PRKN: variants seen among roughly 807,000 people sequenced by gnomAD.
PRKN encodes parkin RBR E3 ubiquitin protein ligase, also known as E3 ubiquitin-protein ligase parkin.
Under a neutral mutation model 59.5 loss-of-function variants are expected in PRKN, and 56 were observed. The observed-to-expected ratio is 0.94, with a 90% CI of 0.76 to 1.18. The LOEUF (loss-of-function observed/expected upper bound fraction) is 1.18, where lower values mean the gene tolerates loss of function less well. Among genes scored for constraint, PRKN ranks in the 50% most tolerant of loss-of-function variants. The pLI, the probability that PRKN is intolerant of heterozygous loss-of-function variation, is 0.00. For synonymous variants in PRKN, 250 were observed against 222.1 expected, an observed-to-expected ratio of 1.13 and a Z score of -1.12; for missense variants, 657 against 596.4, an observed-to-expected ratio of 1.10 and a Z score of -1.06.
At chr6:162,329,658 G>A (rs539432098) in intron 2 of PRKN, among the ~76,000 whole-genome samples, 29 of 151,950 alleles carry the variant, frequency 1.9e-4, no homozygotes, top group African/African-American at 6.5e-4. Context: ...ACTTTTGCTC[G>A]AAGCCCTACT....
intron 7 of PRKN, among the ~76,000 whole-genome samples, chr6:161,571,356 A>C (rs73782941): frequency 0.074 from 11,241 of 152,296 alleles, 1,192 homozygotes; most frequent in African/African-American, 0.23. Context: ...ACTGGATTGT[A>C]TGCAGGACAT....
At chr6:161,977,168 G>A (rs1269944880) in intron 5 of PRKN, among the ~76,000 whole-genome samples, 4 of 152,218 alleles carry the variant, frequency 2.6e-5, no homozygotes, top group Non-Finnish European at 4.4e-5. Context: ...TACCCAGCTT[G>A]CAAGTTAGCA....
intron 1 of PRKN, among the ~76,000 whole-genome samples, chr6:162,493,772 T>C (rs865808145): frequency 3.3e-5 from 5 of 152,252 alleles, no homozygotes; most frequent in Admixed American, 6.5e-5. Flanking sequence ...AGAGCCTAGA[T>C]TATCCACTGA....
At chr6:161,537,600 C>A (rs1402601943) in intron 9 of PRKN, among the ~76,000 whole-genome samples, 1 of 151,974 alleles carries the variant, frequency 6.6e-6, no homozygotes, top group Admixed American at 6.6e-5. Context: ...TACAGGCACC[C>A]GCCACCATGC....
At chr6:161,453,146 T>A (rs907767465) in intron 9 of PRKN, among the ~76,000 whole-genome samples, 1 of 152,156 alleles carries the variant, frequency 6.6e-6, no homozygotes, top group Non-Finnish European at 1.5e-5. Flanking sequence ...TTTTAAAAAA[T>A]GGAATATTCA....
intron 4 of PRKN, among the ~76,000 whole-genome samples, chr6:162,157,863 C>G (rs1782582200): frequency 1.3e-5 from 2 of 151,950 alleles, no homozygotes; most frequent in African/African-American, 4.8e-5. Context: ...TTAATGTTCT[C>G]TGTATTTTAT....
chr6:162,453,187 TTCCTACCCTCCTC>T (rs1271495421), intron 1 of PRKN, among the ~76,000 whole-genome samples: 3 of 152,132 alleles, frequency 2.0e-5, no homozygotes, highest in Non-Finnish European at 2.9e-5. Flanking sequence ...GAATGAGGAC[TTCCTACCCTCCTC>T]AGGGAGTAAG....
intron 1 of PRKN, among the ~76,000 whole-genome samples, chr6:162,674,965 A>G (rs1779478678): frequency 6.6e-6 from 1 of 152,132 alleles, no homozygotes; most frequent in African/African-American, 2.4e-5. Context: ...GCAGTGACAA[A>G]ATTAATTAAG....
intron 4 of PRKN, among the ~76,000 whole-genome samples, chr6:162,099,194 G>T (rs1779866959): frequency 6.6e-6 from 1 of 152,068 alleles, no homozygotes; most frequent in Non-Finnish European, 1.5e-5. Flanking sequence ...AATCACCTCT[G>T]GCCACGGGCC....
At chr6:162,707,128 A>G (rs1562513484) in intron 1 of PRKN, among the ~76,000 whole-genome samples, 1 of 152,068 alleles carries the variant, frequency 6.6e-6, no homozygotes, top group African/African-American at 2.4e-5. Context: ...ATGAGAAAAA[A>G]GCAGAGTTTC....
chr6:162,058,418 G>A (rs1325404488), intron 4 of PRKN, among the ~76,000 whole-genome samples: 1 of 152,190 alleles, frequency 6.6e-6, no homozygotes, highest in African/African-American at 2.4e-5. Flanking sequence ...GGGACAAGGT[G>A]ATCTCTGGCC....
rs1017304827 is a variant in PRKN at position 161,468,164 on chromosome 6, G to A, written c.1083+80690C>T. On this transcript the variant is annotated intron_variant, in intron 9 of 11. Coordinates refer to ENST00000366898, the MANE Select transcript of PRKN (RefSeq NM_004562.3). This position sits in a 1 kb window ranked among gnomAD's most constrained non-coding sequence, Gnocchi z 5.9. Reference sequence around the variant, plus strand: ...ATTTTTGTATTTTTAGTAGAGACGGGGTTTCGCCATGTTGGCCAGGCTGGT... The same window carrying A: ...ATTTTTGTATTTTTAGTAGAGACGGAGTTTCGCCATGTTGGCCAGGCTGGT... 1.3e-5 allele frequency among the ~76,000 whole-genome samples: 2 copies of A among 151,984 alleles called. No individual in the cohort carries two copies. The highest frequency in any genetic ancestry group is 2.9e-5 in the Non-Finnish European group (2 of 67,986).
chr6:161,506,032 C>T (rs1374116012), intron 9 of PRKN, among the ~76,000 whole-genome samples: 1 of 151,612 alleles, frequency 6.6e-6, no homozygotes, highest in Admixed American at 6.6e-5. Flanking sequence ...TCCATATGAA[C>T]TTTAAAGTAG....
intron 8 of PRKN, among the ~76,000 whole-genome samples, chr6:161,564,493 T>G (rs1241791599): frequency 6.6e-6 from 1 of 152,168 alleles, no homozygotes; most frequent in African/African-American, 2.4e-5. Context: ...TTTCTCAATG[T>G]TTTTCTTACA....
intron 7 of PRKN, among the ~76,000 whole-genome samples, chr6:161,620,166 T>G (rs940320278): frequency 6.6e-6 from 1 of 151,126 alleles, no homozygotes; most frequent in African/African-American, 2.4e-5. Flanking sequence ...AATTTTTTTT[T>G]TTTTTTTGTA....
chr6:161,852,569 C>A (rs118095698), intron 6 of PRKN, among the ~76,000 whole-genome samples: 1,819 of 152,254 alleles, frequency 0.012, 14 homozygotes, highest in Non-Finnish European at 0.018. Context: ...AAGCTCAACA[C>A]TCAATTCAAG....
In PRKN at chr6:161,373,680, C is replaced by G. The variant is rs2114903996; in HGVS notation, c.1167+13114G>C. Among the ~76,000 whole-genome samples, 1 of 152,170 alleles carries G rather than the reference C, an allele frequency of 6.6e-6. No homozygotes were observed. The highest frequency in any genetic ancestry group is 2.4e-5 in the African/African-American group (1 of 41,532). ...GCTACACCTCTGTGCTTGCGGGGTGCTGAGTTTAAACGGGCTATGCCTCTG... is the reference window on the plus strand; with the variant it reads ...GCTACACCTCTGTGCTTGCGGGGTGGTGAGTTTAAACGGGCTATGCCTCTG... On this transcript the variant is annotated intron_variant, in intron 10 of 11. Coordinates refer to ENST00000366898, the MANE Select transcript of PRKN (RefSeq NM_004562.3). This position sits in a 1 kb window ranked among gnomAD's most constrained non-coding sequence, Gnocchi z 4.8.
chr6:162,029,484 C>T (rs143903682), intron 5 of PRKN, among the ~76,000 whole-genome samples: 4 of 152,252 alleles, frequency 2.6e-5, no homozygotes, highest in Middle Eastern at 3.4e-3. Flanking sequence ...AAATGAAATG[C>T]GTACTTGTGC....
In PRKN at chr6:161,761,314, G is replaced by A. The variant is rs181894672; in HGVS notation, c.871+24458C>T. On this transcript the variant is annotated intron_variant, in intron 7 of 11. Transcript: ENST00000366898. Reference sequence around the variant, plus strand: ...ACTAGCACTGTGGCCGAGCTACGGTGTGCAGTGGATGGATGGATGGATGAT... The same window carrying A: ...ACTAGCACTGTGGCCGAGCTACGGTATGCAGTGGATGGATGGATGGATGAT... Among the ~76,000 whole-genome samples the A allele has an allele frequency of 1.3e-3, 200 of 152,326 alleles. 2 individuals carry two copies. Among genetic ancestry groups the A allele is most frequent in the Admixed American group, 9.8e-4 (15 of 15,296 alleles).
Sources: allele counts gnomAD v4.1 joint callset (sites outside exome capture counted in the v4.1 genomes callset), GRCh38; gene constraint gnomAD v4.1.1; non-coding constraint Gnocchi (gnomAD v3.1); transcripts MANE v1.5; gene names NCBI Gene and HGNC (gene_info 2026-07-23, HGNC 2026-07-21).